Variants in KCNMB2 observed in about 807,000 individuals in gnomAD.
The protein encoded by KCNMB2 is potassium calcium-activated channel subfamily M regulatory beta subunit 2.
KCNMB2 carries 9 observed loss-of-function variants against 24.5 expected under a neutral mutation model. The observed-to-expected ratio is 0.37, with a 90% CI of 0.22 to 0.64. KCNMB2 has a LOEUF of 0.64. KCNMB2 is among the 30% of genes least tolerant of loss of function. The pLI is 0.63. For synonymous variants in KCNMB2, 109 were observed against 104.4 expected, an observed-to-expected ratio of 1.04 and a Z score of -0.27; for missense variants, 226 against 284.3, an observed-to-expected ratio of 0.79 and a Z score of 1.47.
At chr3:178,698,460 C>T (rs1577106689) in intron 1 of KCNMB2, among the ~76,000 whole-genome samples, 1 of 152,286 alleles carries the variant, frequency 6.6e-6, no homozygotes, top group African/African-American at 2.4e-5. Flanking sequence ...TTTTTTAGCC[C>T]TATCTGGTCA....
intron 1 of KCNMB2, among the ~76,000 whole-genome samples, chr3:178,676,854 G>A (rs967375064): frequency 2.6e-5 from 4 of 152,058 alleles, no homozygotes; most frequent in African/African-American, 7.2e-5. Flanking sequence ...GCATTTTAAC[G>A]TTACGAAACG....
chr3:178,808,783 A>T (rs1474014363), intron 2 of KCNMB2, among the ~76,000 whole-genome samples: 1 of 152,214 alleles, frequency 6.6e-6, no homozygotes, highest in Non-Finnish European at 1.5e-5. Flanking sequence ...TTGCAGCCAC[A>T]AAAAATATAT....
At chr3:178,718,549 G>C (rs1722694000) in intron 1 of KCNMB2, among the ~76,000 whole-genome samples, 1 of 152,218 alleles carries the variant, frequency 6.6e-6, no homozygotes, top group African/African-American at 2.4e-5. Flanking sequence ...CTAAATGACA[G>C]TGTTACCCAA....
chr3:178,662,240 T>C (rs1329845693), intron 1 of KCNMB2, among the ~76,000 whole-genome samples: 2 of 152,210 alleles, frequency 1.3e-5, no homozygotes, highest in Admixed American at 6.5e-5. Flanking sequence ...AACTGTTTTC[T>C]TTGCAATTTC....
At chr3:178,812,606 CT>C (rs1344173290) in intron 2 of KCNMB2, among the ~76,000 whole-genome samples, 1 of 152,090 alleles carries the variant, frequency 6.6e-6, no homozygotes, top group Non-Finnish European at 1.5e-5. Context: ...GTAGCATTAT[CT>C]TTCACAATTA....
intron 1 of KCNMB2, among the ~76,000 whole-genome samples, chr3:178,730,747 C>G (rs928823098): frequency 6.6e-6 from 1 of 152,094 alleles, no homozygotes; most frequent in Non-Finnish European, 1.5e-5. Context: ...ATAAGCTCAG[C>G]TAATGCCTGC....
rs371747629 is a variant in KCNMB2 at position 178,732,480 on chromosome 3, T to C, written c.-67-74863T>C. On this transcript the variant is annotated intron_variant, in intron 1 of 4. Transcript: ENST00000452583. ...TGTACAGCTCTCATACTGTAAAGTATACTTTTTATGGTCTATTTAGTGTCA... is the reference window on the plus strand; with the variant it reads ...TGTACAGCTCTCATACTGTAAAGTACACTTTTTATGGTCTATTTAGTGTCA... Among the ~76,000 whole-genome samples the C allele has an allele frequency of 1.6e-3, 245 of 152,320 alleles. 1 individual carries two copies. Among genetic ancestry groups the C allele is most frequent in the Non-Finnish European group, 2.7e-3 (186 of 68,030 alleles).
chr3:178,633,758 T>C (rs1284372352), intron 1 of KCNMB2, among the ~76,000 whole-genome samples: 1 of 152,272 alleles, frequency 6.6e-6, no homozygotes, highest in East Asian at 1.9e-4. Flanking sequence ...AAACTTCTAC[T>C]ACTGGCTTGA....
chr3:178,787,667 C>A (rs1315319836), intron 1 of KCNMB2, among the ~76,000 whole-genome samples: 4 of 151,728 alleles, frequency 2.6e-5, no homozygotes, highest in Non-Finnish European at 5.9e-5. Flanking sequence ...CCTCATTTTC[C>A]CTCTCTCTCT....
intron 1 of KCNMB2, among the ~76,000 whole-genome samples, chr3:178,681,451 C>T (rs1721269373): frequency 6.6e-6 from 1 of 152,172 alleles, no homozygotes; most frequent in Admixed American, 6.5e-5. Flanking sequence ...AGGTTAATAA[C>T]ATCTAATAAA....
intron 1 of KCNMB2, among the ~76,000 whole-genome samples, chr3:178,752,457 G>T (rs916937800): frequency 6.6e-6 from 1 of 152,194 alleles, no homozygotes; most frequent in Non-Finnish European, 1.5e-5. Context: ...AGTATAATGG[G>T]AAATGGTGTC....
At chr3:178,645,725 C>T (rs1264037540) in intron 1 of KCNMB2, among the ~76,000 whole-genome samples, 1 of 152,108 alleles carries the variant, frequency 6.6e-6, no homozygotes. Context: ...AGAAAGCCCT[C>T]AGGCAAGACA....
intron 1 of KCNMB2, among the ~76,000 whole-genome samples, chr3:178,688,812 C>A (rs1332878865): frequency 6.6e-6 from 1 of 151,748 alleles, no homozygotes; most frequent in African/African-American, 2.4e-5. Flanking sequence ...GAACATGAGG[C>A]AAAGAAAGAC....
intron 1 of KCNMB2, among the ~76,000 whole-genome samples, chr3:178,714,733 T>C (rs1376027147): frequency 6.6e-6 from 1 of 152,204 alleles, no homozygotes. Flanking sequence ...TTCTAAACAG[T>C]AGTGAGCAGA....
rs193017153 is a variant in KCNMB2, at chr3:178,761,583, A to G, written c.-67-45760A>G. Among the ~76,000 whole-genome samples the G allele has an allele frequency of 2.9e-4, 44 of 152,274 alleles. 2 individuals are homozygous for G. In the East Asian group the frequency reaches 4.4e-3, roughly 15 times the overall value. ...GTCATTTTGCCTTTTCGTGCCCAAT[A>G]TAGATCAACTGTGCCACTGATCAGC... On this transcript the variant is annotated intron_variant, in intron 1 of 4. Transcript: ENST00000452583.
chr3:178,818,939 C>T (rs767453213), intron 2 of KCNMB2, among the ~76,000 whole-genome samples: 6 of 152,210 alleles, frequency 3.9e-5, no homozygotes, highest in Non-Finnish European at 7.3e-5. Flanking sequence ...CTCTTCCTTT[C>T]TCAATCATTT....
intron 1 of KCNMB2, among the ~76,000 whole-genome samples, chr3:178,755,215 G>A (rs1363111425): frequency 1.3e-5 from 2 of 152,162 alleles, no homozygotes; most frequent in African/African-American, 2.4e-5. Context: ...CTCAAAAAAC[G>A]CCCCATGAAT....
chr3:178,812,551 C>A (rs1227855802), intron 2 of KCNMB2, among the ~76,000 whole-genome samples: 1 of 151,952 alleles, frequency 6.6e-6, no homozygotes, highest in Non-Finnish European at 1.5e-5. Context: ...CCGTCCTACT[C>A]CAGTTTCAAA....
At chr3:178,572,217 T>C (rs970021425) in intron 1 of KCNMB2, among the ~76,000 whole-genome samples, 2 of 152,194 alleles carry the variant, frequency 1.3e-5, no homozygotes, top group Admixed American at 6.5e-5. Context: ...CAGTTTAGTA[T>C]AGAGAGAAGA....
Sources: gnomAD v4.1 joint callset for allele counts (sites outside exome capture counted in the v4.1 genomes callset) on GRCh38, gnomAD v4.1.1 for gene constraint, MANE v1.5 for transcripts, NCBI Gene and HGNC (gene_info 2026-07-23, HGNC 2026-07-21) for gene names.